Variants in NT5C1B observed in about 807,000 individuals in gnomAD.
NT5C1B encodes the protein cytosolic 5'-nucleotidase 1B.
In NT5C1B, 44 loss-of-function variants were observed where a neutral mutation model predicts 57.8. The ratio of observed to expected loss-of-function variants is 0.76; its 90% CI spans 0.60 to 0.98. The LOEUF (loss-of-function observed/expected upper bound fraction) is 0.98. Among genes scored for constraint, NT5C1B ranks in the 50% least tolerant of loss-of-function variants. The pLI is 0.00. For synonymous variants in NT5C1B, 284 were observed against 282.6 expected (o/e 1.00, Z -0.05); for missense variants, 742 against 719.5 (o/e 1.03, Z -0.36).
Position 18,589,551 on chromosome 2 carries a change from C to G in NT5C1B, c.-83G>C. On this transcript the variant is annotated 5_prime_UTR_variant, in exon 1 of 9. It removes the in-frame stop codon of an upstream open reading frame in the 5' UTR. Transcript: ENST00000304081. The stretch of plus-strand genomic sequence containing the variant: ...TTTCCTGTCACTTCCCTTGCTCAGT[C>G]TAGCTTTGCATTTAGAATGTCAAAT... 1 of 1,600,628 alleles carries G rather than the reference C, an allele frequency of 6.2e-7. No individual in the cohort carries two copies.
At chr2:18,568,338 A>G (rs1027838604) in intron 8 of NT5C1B, among the ~76,000 whole-genome samples, 3 of 152,304 alleles carry the variant, frequency 2.0e-5, no homozygotes, top group South Asian at 4.1e-4. Context: ...AAAATAAAAT[A>G]TTGTTTTAAA....
At chr2:18,587,096 A>G in intron 2 of NT5C1B, 1 of 1,613,950 alleles carries the variant, frequency 6.2e-7, no homozygotes, top group Non-Finnish European at 8.5e-7. Context: ...CAGCTGCACA[A>G]AGGCAGCGTC....
At chr2:18,570,023 A>G (rs1665008830) in intron 8 of NT5C1B, among the ~76,000 whole-genome samples, 1 of 152,162 alleles carries the variant, frequency 6.6e-6, no homozygotes, top group Admixed American at 6.5e-5. Context: ...AACACAACAG[A>G]GTTAAGCTTT....
At chr2:18,564,529 C>A (rs1306043765) in intron 8 of NT5C1B, among the ~76,000 whole-genome samples, 2 of 152,160 alleles carry the variant, frequency 1.3e-5, no homozygotes, top group African/African-American at 4.8e-5. Context: ...TGCATTTTAA[C>A]TTTATGAAGT....
At chr2:18,582,888 A>T in exon 6 of NT5C1B, 1 of 1,614,052 alleles carries the variant, frequency 6.2e-7, no homozygotes, top group African/African-American at 1.3e-5. Flanking sequence ...GACGCTGTTT[A>T]TAAGCCGCAC....
chr2:18,574,656 AG>A (rs1309786230), intron 8 of NT5C1B, among the ~76,000 whole-genome samples: 1 of 152,120 alleles, frequency 6.6e-6, no homozygotes, highest in Non-Finnish European at 1.5e-5. Flanking sequence ...GCCTTTAAAA[AG>A]AAGGAAATAC....
intron 3 of NT5C1B, among the ~76,000 whole-genome samples, chr2:18,585,388 T>C (rs1666607467): frequency 6.6e-6 from 1 of 152,134 alleles, no homozygotes; most frequent in Non-Finnish European, 1.5e-5. Flanking sequence ...AGTGCCTTAG[T>C]GTGCGACTTC....
intron 6 of NT5C1B, among the ~76,000 whole-genome samples, chr2:18,578,803 A>G (rs1477929620): frequency 1.3e-5 from 2 of 152,208 alleles, no homozygotes; most frequent in Non-Finnish European, 2.9e-5. Flanking sequence ...CAGAGCAGTC[A>G]GGCAAGAGAA....
chr2:18,586,812 C>T (rs1223434851), intron 2 of NT5C1B: 5 of 1,105,038 alleles, frequency 4.5e-6, no homozygotes, highest in Non-Finnish European at 5.0e-6. Flanking sequence ...ACTGAGGTTG[C>T]AGGGGGACTC....
chr2:18,583,872 A>C (rs1295076595), intron 5 of NT5C1B: 1 of 774,656 alleles, frequency 1.3e-6, no homozygotes, highest in Admixed American at 2.0e-5. Flanking sequence ...GGGAAGACTA[A>C]CATACCAAAT....
chr2:18,571,694 C>T (rs1442196176), intron 8 of NT5C1B, among the ~76,000 whole-genome samples: 1 of 121,156 alleles, frequency 8.3e-6, no homozygotes, highest in Non-Finnish European at 1.6e-5. Context: ...ACTGTACTCT[C>T]TCTCTCTTTC....
Position 18,584,350 on chromosome 2 carries a change from GC to G in NT5C1B, c.724-96del. On this transcript the variant is annotated intron_variant, in intron 4 of 8. Coordinates refer to ENST00000304081, the Ensembl canonical transcript of NT5C1B. The surrounding 1 kb of genome is among the most constrained non-coding windows in gnomAD (Gnocchi z 5.8). ...GGGTAGGGTGAGAGTAGGACAGCGGGCCCCTGCTTGGAGAAGCGGGATGCTG... is the reference window on the plus strand; with the variant it reads ...GGGTAGGGTGAGAGTAGGACAGCGGGCCCTGCTTGGAGAAGCGGGATGCTG... 6.4e-7 allele frequency: 1 copy of G among 1,552,930 alleles called. No homozygotes were observed. The highest frequency in any genetic ancestry group is 8.7e-7 in the Non-Finnish European group (1 of 1,151,454).
At chr2:18,565,453 T>G (rs1233155926) in intron 8 of NT5C1B, among the ~76,000 whole-genome samples, 1 of 152,200 alleles carries the variant, frequency 6.6e-6, no homozygotes, top group Non-Finnish European at 1.5e-5. Context: ...AACTTTTGGC[T>G]AGATATAGAA....
intron 5 of NT5C1B, chr2:18,583,257 C>A: frequency 3.3e-6 from 1 of 301,050 alleles, no homozygotes; most frequent in Non-Finnish European, 6.1e-6. Flanking sequence ...AGAATTATCT[C>A]TGGGGGACAG....
In NT5C1B at chr2:18,584,982, C is replaced by A. The variant is rs1418713943; in HGVS notation, c.259-4G>T. ...AGCTCGTGGAGCTGCTGGGGAGCTG[C>A]AGCAAGACAATGGGCGTCTGAAGTC... is the stretch of plus-strand genomic sequence containing the variant. On this transcript the variant is annotated splice_polypyrimidine_tract_variant and splice_region_variant and intron_variant, in intron 3 of 8. Coordinates refer to ENST00000304081, the Ensembl canonical transcript of NT5C1B. This position sits in a 1 kb window ranked among gnomAD's most constrained non-coding sequence, Gnocchi z 5.8. The A allele has an allele frequency of 1.3e-6, 2 of 1,556,704 alleles. No homozygotes were observed. The highest frequency in any genetic ancestry group is 1.7e-6 in the Non-Finnish European group (2 of 1,158,244).
intron 2 of NT5C1B, chr2:18,586,851 C>T: frequency 7.0e-7 from 1 of 1,434,472 alleles, no homozygotes. Context: ...GGAATGGAGC[C>T]CTCAAGCTTT....
chr2:18,585,651 A>G (rs1219152169), intron 3 of NT5C1B, among the ~76,000 whole-genome samples: 1 of 152,178 alleles, frequency 6.6e-6, no homozygotes, highest in Non-Finnish European at 1.5e-5. Flanking sequence ...AAGGTGAGCA[A>G]GAAGTTATTA....
At chr2:18,563,347 C>G (rs1664341807) in exon 9 of NT5C1B, 1 of 152,748 alleles carries the variant, frequency 6.5e-6, no homozygotes, top group Non-Finnish European at 1.5e-5. Context: ...ATAGCAGTCA[C>G]AGAATACAAA....
At chr2:18,569,212 C>T (rs1226409094) in intron 8 of NT5C1B, among the ~76,000 whole-genome samples, 1 of 151,960 alleles carries the variant, frequency 6.6e-6, no homozygotes, top group African/African-American at 2.4e-5. Flanking sequence ...ATTGTAAACA[C>T]TAGCGTAACT....
Sources: allele counts gnomAD v4.1 joint callset (sites outside exome capture counted in the v4.1 genomes callset), GRCh38; gene constraint gnomAD v4.1.1; non-coding constraint Gnocchi (gnomAD v3.1); transcripts MANE v1.5; gene names NCBI Gene and HGNC (gene_info 2026-07-23, HGNC 2026-07-21).